FAM13A: variants seen among roughly 807,000 people sequenced by gnomAD.
FAM13A encodes family with sequence similarity 13 member A.
In FAM13A, 76 loss-of-function variants were observed where a neutral mutation model predicts 129.6. The ratio of observed to expected loss-of-function variants is 0.59; its 90% CI spans 0.49 to 0.71. The LOEUF (loss-of-function observed/expected upper bound fraction) is 0.71, where lower values mean the gene tolerates loss of function less well. Among genes scored for constraint, FAM13A ranks in the 30% least tolerant of loss-of-function variants. The pLI is 0.00. For missense variants in FAM13A, 1,108 were observed against 1,249.3 expected (o/e 0.89, Z 1.70); for synonymous variants, 443 against 449.9 (o/e 0.98, Z 0.20).
intron 18 of FAM13A, 40 bp from the exon 19 acceptor site, chr4:88,747,055 A>ATGTG (rs1425921596): frequency 7.3e-7 from 1 of 1,361,944 alleles, no homozygotes; most frequent in African/African-American, 1.4e-5. Flanking sequence ...AGAGAGGAAA[A>ATGTG]TGTGTGTGAA....
At position 88,728,484 on chromosome 4, in the gene FAM13A, C is replaced by T; in HGVS notation, c.*49G>A. 6.2e-7 allele frequency: 1 copy of T among 1,611,482 alleles called. No homozygotes were observed. The highest frequency in any genetic ancestry group is 1.1e-5 in the South Asian group (1 of 90,966). On this transcript the variant is annotated 3_prime_UTR_variant, in exon 24 of 24. Transcript: ENST00000264344. ...TCCAGAGCTGCACTTTCTCTGGGGA[C>T]AGTAAACTCTCACCGCAGCTGCCAG...
chr4:88,814,136 A>G (rs879576622), intron 7 of FAM13A, among the ~76,000 whole-genome samples: 2 of 152,196 alleles, frequency 1.3e-5, no homozygotes, highest in South Asian at 2.1e-4. Flanking sequence ...GGAATTACTA[A>G]CCAGATTTTT....
At chr4:88,822,035 G>GT (rs1320274319) in intron 7 of FAM13A, among the ~76,000 whole-genome samples, 3 of 151,466 alleles carry the variant, frequency 2.0e-5, no homozygotes, top group African/African-American at 4.9e-5. Context: ...TTTTTGTCTA[G>GT]TTTTTTTTAT....
chr4:88,788,930 A>G (rs559327355), intron 9 of FAM13A, among the ~76,000 whole-genome samples: 1 of 152,324 alleles, frequency 6.6e-6, no homozygotes, highest in South Asian at 2.1e-4. Flanking sequence ...ATATTTTAAG[A>G]TAATGAGGAA....
chr4:88,829,648 G>GT (rs1178975707), intron 7 of FAM13A, among the ~76,000 whole-genome samples: 1 of 152,190 alleles, frequency 6.6e-6, no homozygotes, highest in African/African-American at 2.4e-5. Flanking sequence ...AGCAAACTGT[G>GT]TTAAAACACT....
At chr4:88,916,607 C>G (rs969915749) in intron 5 of FAM13A, among the ~76,000 whole-genome samples, 4 of 152,120 alleles carry the variant, frequency 2.6e-5, no homozygotes, top group Admixed American at 2.6e-4. Context: ...TTATCCACTA[C>G]CATATGCAAG....
chr4:88,815,169 T>TG (rs1730475893), intron 7 of FAM13A, among the ~76,000 whole-genome samples: 1 of 152,126 alleles, frequency 6.6e-6, no homozygotes, highest in South Asian at 2.1e-4. Flanking sequence ...TTAGATTTGA[T>TG]GAGAAGATAC....
At chr4:88,734,279 G>A (rs1274296617) in intron 21 of FAM13A, among the ~76,000 whole-genome samples, 1 of 152,186 alleles carries the variant, frequency 6.6e-6, no homozygotes, top group African/African-American at 2.4e-5. Flanking sequence ...AGTAATGACT[G>A]AAGGGTGACA....
At position 88,742,999 on chromosome 4, in the gene FAM13A, G is replaced by A. The variant is rs78588023; in HGVS notation, c.2467-3874C>T. ...TCAAAACTTTATTTAAAGTGATAGTGCTGAATGGTCTTCCAATATGTGGAA... is the reference window on the plus strand; with the variant it reads ...TCAAAACTTTATTTAAAGTGATAGTACTGAATGGTCTTCCAATATGTGGAA... On this transcript the variant is annotated intron_variant, in intron 19 of 23. Coordinates refer to ENST00000264344, the MANE Select transcript of FAM13A (RefSeq NM_014883.4). Among the ~76,000 whole-genome samples, 1,424 of 152,256 alleles carry A rather than the reference G, an allele frequency of 9.4e-3. 23 individuals carry two copies. Among genetic ancestry groups the A allele is most frequent in the African/African-American group, 0.032 (1,344 of 41,538 alleles).
At chr4:89,026,041 C>T (rs1438424585) in intron 2 of FAM13A, among the ~76,000 whole-genome samples, 1 of 151,916 alleles carries the variant, frequency 6.6e-6, no homozygotes, top group Non-Finnish European at 1.5e-5. Flanking sequence ...GACTATTATC[C>T]AATGAATGTT....
chr4:88,806,744 G>A (rs1728641352), intron 7 of FAM13A, among the ~76,000 whole-genome samples: 1 of 152,134 alleles, frequency 6.6e-6, no homozygotes, highest in South Asian at 2.1e-4. Flanking sequence ...GTAGAATTAG[G>A]TTGCAGGGTT....
intron 6 of FAM13A, among the ~76,000 whole-genome samples, chr4:88,888,166 C>G (rs1011210067): frequency 6.6e-6 from 1 of 152,160 alleles, no homozygotes; most frequent in African/African-American, 2.4e-5. Flanking sequence ...TTCCTCTGGC[C>G]AGTTTCCAGT....
chr4:88,814,991 C>T (rs1011475819), intron 7 of FAM13A, among the ~76,000 whole-genome samples: 4 of 151,836 alleles, frequency 2.6e-5, no homozygotes, highest in Non-Finnish European at 4.4e-5. Flanking sequence ...AGGCATATGC[C>T]ACCATGCACA....
intron 4 of FAM13A, among the ~76,000 whole-genome samples, chr4:88,948,170 G>A (rs192555224): frequency 6.9e-4 from 105 of 152,304 alleles, no homozygotes; most frequent in African/African-American, 2.3e-3. Context: ...CAAGGGGCTA[G>A]CTGGAAGGGT....
chr4:88,996,461 T>C (rs1763552918), intron 3 of FAM13A, among the ~76,000 whole-genome samples: 1 of 152,220 alleles, frequency 6.6e-6, no homozygotes, highest in African/African-American at 2.4e-5. Context: ...TAAATTTGTC[T>C]TGTGTTGGAA....
intron 7 of FAM13A, among the ~76,000 whole-genome samples, chr4:88,847,881 G>A (rs113082675): frequency 0.082 from 12,494 of 151,642 alleles, 853 homozygotes; most frequent in African/African-American, 0.19. Context: ...AGCTTGCAGT[G>A]AGCGGAGATT....
At chr4:88,850,331 G>A (rs1049733543) in intron 7 of FAM13A, among the ~76,000 whole-genome samples, 12 of 151,976 alleles carry the variant, frequency 7.9e-5, no homozygotes, top group Non-Finnish European at 1.3e-4. Context: ...GAGGTAGAGG[G>A]ATCATTTGAG....
chr4:88,876,837 C>T (rs967725119), intron 6 of FAM13A, among the ~76,000 whole-genome samples: 2 of 152,128 alleles, frequency 1.3e-5, no homozygotes, highest in African/African-American at 2.4e-5. Context: ...GTGATCCACC[C>T]GCCTCAGCCT....
chr4:88,973,728 G>A (rs138096860), intron 4 of FAM13A, among the ~76,000 whole-genome samples: 19 of 152,258 alleles, frequency 1.2e-4, no homozygotes, highest in Middle Eastern at 3.4e-3. Context: ...TGGACATGAT[G>A]TACTGGGTAA....
Sources: allele counts gnomAD v4.1 joint callset (sites outside exome capture counted in the v4.1 genomes callset), GRCh38; gene constraint gnomAD v4.1.1; transcripts MANE v1.5; gene names NCBI Gene and HGNC (gene_info 2026-07-23, HGNC 2026-07-21).